The following FSD1L variants were observed in gnomAD, a reference collection of about 807,000 sequenced individuals.
FSD1L encodes fibronectin type III and SPRY domain containing 1 like, also known as FSD1-like protein.
In FSD1L, 45 loss-of-function variants were observed where a neutral mutation model predicts 71.6. That is an observed-to-expected ratio of 0.63 (90% CI 0.49 to 0.81). FSD1L has a LOEUF of 0.81. Ranked by LOEUF, FSD1L falls within the 30% of genes least tolerant of loss-of-function variation. The pLI is 0.00. For synonymous variants in FSD1L, 197 were observed against 207.2 expected, an observed-to-expected ratio of 0.95 and a Z score of 0.42; for missense variants, 561 against 618.1, an observed-to-expected ratio of 0.91 and a Z score of 0.98.
chr9:105,480,294 CTTTT>C (rs202199417), intron 6 of FSD1L, among the ~76,000 whole-genome samples: 5 of 140,146 alleles, frequency 3.6e-5, no homozygotes, highest in African/African-American at 2.6e-5. Context: ...CTGGGTTTCT[CTTTT>C]TTTTTTTTTT....
rs929166966 is a variant in FSD1L at position 105,551,527 on chromosome 9, T to C, written c.*5044T>C. The C allele has an allele frequency of 6.6e-6, 1 of 152,166 alleles. No homozygotes were observed. The highest frequency in any genetic ancestry group is 1.5e-5 in the Non-Finnish European group (1 of 68,008). 9.4% of individuals were successfully genotyped at this position (152,166 alleles called of 1,614,324 possible). ...AGTGCTACGTAAATGTAAAGTGTTG[T>C]TTTTAGCTAATAATGGATTTAAGTG... is the stretch of plus-strand genomic sequence containing the variant. On this transcript the variant is annotated 3_prime_UTR_variant, in exon 14 of 14. Coordinates refer to ENST00000481272, the MANE Select transcript of FSD1L (RefSeq NM_001145313.3).
intron 7 of FSD1L, among the ~76,000 whole-genome samples, chr9:105,503,256 G>A (rs756862462): frequency 4.6e-5 from 7 of 151,980 alleles, no homozygotes; most frequent in Non-Finnish European, 1.0e-4. Context: ...ATATTCTGTA[G>A]CATAAAAATT....
rs75868784 is a variant in FSD1L, at chr9:105,511,126, C to G, written c.896-1681C>G. ...ACACTCCTTAGGCTTGAAATCCATG[C>G]CTTTTTGTTTGGATGCTGCAGTATT... On this transcript the variant is annotated intron_variant, in intron 9 of 13. Transcript: ENST00000481272. Among the ~76,000 whole-genome samples, 970 of 151,806 alleles carry G rather than the reference C, an allele frequency of 6.4e-3. 16 individuals are homozygous for G. Among genetic ancestry groups the G allele is most frequent in the African/African-American group, 0.022 (929 of 41,412 alleles).
At chr9:105,472,994 T>G (rs562082736) in intron 5 of FSD1L, 2 of 152,162 alleles carry the variant, frequency 1.3e-5, no homozygotes, top group Non-Finnish European at 2.9e-5. Context: ...TGTACTATAT[T>G]TAAAAGTACT....
intron 1 of FSD1L, among the ~76,000 whole-genome samples, chr9:105,454,750 A>G (rs928578143): frequency 2.0e-5 from 3 of 152,176 alleles, no homozygotes; most frequent in Non-Finnish European, 2.9e-5. Flanking sequence ...TTACCTCCTC[A>G]TATGCTGTGA....
chr9:105,491,769 G>A (rs866159758), intron 7 of FSD1L, among the ~76,000 whole-genome samples: 65 of 152,114 alleles, frequency 4.3e-4, no homozygotes, highest in South Asian at 8.3e-4. Context: ...TGTGGTTTTT[G>A]TCTTTGGTTC....
chr9:105,535,637 G>T lies in FSD1L; in HGVS notation c.1378+319G>T, dbSNP rs540502251. ...ATGTTTTATTACCTACCTCTAAAGA[G>T]TGATAGTCAAAATTTTCTAGTTGAA... On this transcript the variant is annotated intron_variant, in intron 12 of 13. Coordinates refer to ENST00000481272, the MANE Select transcript of FSD1L (RefSeq NM_001145313.3). Among the ~76,000 whole-genome samples the T allele has an allele frequency of 7.2e-5, 11 of 152,144 alleles. No homozygotes were observed. The East Asian group carries it at 2.1e-3, about 29-fold the overall frequency.
At position 105,534,527 on chromosome 9, in the gene FSD1L, G is replaced by T. The variant is rs1468042478; in HGVS notation, c.1060G>T (p.Gly354Cys). 7 of 1,550,824 alleles carry T rather than the reference G, an allele frequency of 4.5e-6. No individual in the cohort carries two copies. The highest frequency in any genetic ancestry group is 5.2e-6 in the Non-Finnish European group (6 of 1,146,202). The change falls in exon 11 of 14, where the codon GGC becomes TGC. Residue 354 changes from glycine to cysteine, a missense_variant. This residue lies in a region of FSD1L where 410 missense variants were observed against 413.5 expected (regional missense o/e 0.99). Transcript: ENST00000481272. Reference sequence around the variant, plus strand: ...ACCATCCCCAAAACGAACATCTGTAGGCTCCAGGCCACCAGCAGTAAGAGG... The same window carrying T: ...ACCATCCCCAAAACGAACATCTGTATGCTCCAGGCCACCAGCAGTAAGAGG... ...GTPSPKRTSV[G>C]SRPPAVRGSR... is the part of the protein sequence containing the mutation.
At chr9:105,530,456 T>C (rs774707263) in intron 10 of FSD1L, 24 of 571,906 alleles carry the variant, frequency 4.2e-5, no homozygotes, top group African/African-American at 1.9e-4. Context: ...TCAATAGTTA[T>C]GTCTGTTTTT....
intron 9 of FSD1L, among the ~76,000 whole-genome samples, chr9:105,511,298 C>A (rs1834383038): frequency 6.6e-6 from 1 of 151,436 alleles, no homozygotes; most frequent in South Asian, 2.1e-4. Flanking sequence ...TTTAAAAAAA[C>A]AGCCTTAGGA....
At position 105,448,099 on chromosome 9, in the gene FSD1L, G is replaced by GGCGGTGCCGGT; in HGVS notation, c.-117_-107dup. The GGCGGTGCCGGT allele has an allele frequency of 8.9e-7, 1 of 1,124,060 alleles. No homozygotes were observed. The highest frequency in any genetic ancestry group is 1.3e-5 in the South Asian group (1 of 74,686). 69.6% of individuals were successfully genotyped at this position (1,124,060 alleles called of 1,614,324 possible). ...GTCTGGGCGCGGACGGGTGGGGCCG[G>GGCGGTGCCGGT]GCGGTGCCGGTGCGGGCTGGGGCAG... On this transcript the variant is annotated 5_prime_UTR_variant, in exon 1 of 14. Coordinates refer to ENST00000481272, the MANE Select transcript of FSD1L (RefSeq NM_001145313.3).
chr9:105,485,352 T>C (rs1441858063), intron 7 of FSD1L, among the ~76,000 whole-genome samples: 1 of 152,132 alleles, frequency 6.6e-6, no homozygotes, highest in Admixed American at 6.5e-5. Flanking sequence ...AACCTCACTT[T>C]GTAAGAACCT....
chr9:105,498,047 G>T (rs1371538606), intron 7 of FSD1L, among the ~76,000 whole-genome samples: 1 of 151,760 alleles, frequency 6.6e-6, no homozygotes, highest in Non-Finnish European at 1.5e-5. Context: ...GTCTTACTGT[G>T]TTGCCTAGAC....
intron 10 of FSD1L, among the ~76,000 whole-genome samples, chr9:105,527,536 A>G (rs955955615): frequency 6.6e-6 from 1 of 152,106 alleles, no homozygotes; most frequent in Non-Finnish European, 1.5e-5. Context: ...TTGAATGGGC[A>G]TCTCCTGAGG....
At chr9:105,524,686 C>G in intron 10 of FSD1L, 3 of 1,613,976 alleles carry the variant, frequency 1.9e-6, no homozygotes, top group Non-Finnish European at 2.5e-6. Context: ...CCTCTGCGCT[C>G]TCCTGACTCA....
In FSD1L at chr9:105,551,031, TAGTA is replaced by T. The variant is rs1419931172; in HGVS notation, c.*4552_*4555del. Reference sequence around the variant, plus strand: ...TTGACTACGGTTAAAATAAGTCAAATAGTAAGTGGTAAAACACATTTTTGTTAGT... The same window carrying T: ...TTGACTACGGTTAAAATAAGTCAAATAGTGGTAAAACACATTTTTGTTAGT... On this transcript the variant is annotated 3_prime_UTR_variant, in exon 14 of 14. Coordinates refer to ENST00000481272, the MANE Select transcript of FSD1L (RefSeq NM_001145313.3). 6.6e-6 allele frequency: 1 copy of T among 152,094 alleles called. No individual in the cohort carries two copies. Among genetic ancestry groups the T allele is most frequent in the East Asian group, 1.9e-4 (1 of 5,204 alleles). The allele number at this position is 152,094 out of a possible 1,614,324, so 9.4% of individuals were successfully genotyped here.
intron 7 of FSD1L, among the ~76,000 whole-genome samples, chr9:105,495,550 C>G (rs187842730): frequency 6.6e-6 from 1 of 152,212 alleles, no homozygotes; most frequent in Non-Finnish European, 1.5e-5. Flanking sequence ...GAGATGAACC[C>G]GGTACCTCAG....
intron 6 of FSD1L, among the ~76,000 whole-genome samples, chr9:105,483,409 C>T (rs994021446): frequency 6.6e-6 from 1 of 152,002 alleles, no homozygotes; most frequent in Admixed American, 6.6e-5. Context: ...CCTAGTATTC[C>T]CCTTGTCCCA....
intron 10 of FSD1L, chr9:105,520,286 C>T: frequency 6.4e-7 from 1 of 1,556,684 alleles, no homozygotes; most frequent in South Asian, 1.1e-5. Flanking sequence ...TGCCTGAATC[C>T]TAGTTCAGAG....
Sources: allele counts gnomAD v4.1 joint callset (sites outside exome capture counted in the v4.1 genomes callset), GRCh38; gene constraint gnomAD v4.1.1; regional missense constraint gnomAD v4.1.1; transcripts MANE v1.5; gene names NCBI Gene and HGNC (gene_info 2026-07-23, HGNC 2026-07-21).